IGDCC3: variants seen among roughly 807,000 people sequenced by gnomAD.
The protein encoded by IGDCC3 is immunoglobulin superfamily DCC subclass member 3, also known as putative neuronal cell adhesion molecule.
A neutral mutation model predicts 72.0 loss-of-function variants in IGDCC3; 47 were observed. The observed-to-expected ratio is 0.65, with a 90% CI of 0.52 to 0.83. IGDCC3 has a LOEUF of 0.83. Ranked by LOEUF, IGDCC3 falls within the 40% of genes least tolerant of loss-of-function variation. The probability of loss-of-function intolerance (pLI) is 0.00; values close to 1 mark genes in which losing one functional copy is unlikely to be tolerated. For synonymous variants in IGDCC3, 477 were observed against 472.8 expected (o/e 1.01, Z -0.11); for missense variants, 1,038 against 1,091.3 (o/e 0.95, Z 0.69).
At chr15:65,367,671 T>C (rs901175641) in intron 2 of IGDCC3, among the ~76,000 whole-genome samples, 1 of 151,850 alleles carries the variant, frequency 6.6e-6, no homozygotes, top group African/African-American at 2.4e-5. Context: ...CTTGCCCCAC[T>C]CCTCTCTCAC....
chr15:65,364,401 C>T (rs1334256757), intron 2 of IGDCC3, among the ~76,000 whole-genome samples: 3 of 151,198 alleles, frequency 2.0e-5, no homozygotes, highest in East Asian at 1.9e-4. Context: ...CCCCATATTA[C>T]TCTGACCACA....
At chr15:65,330,102 C>T (rs2090962940) in intron 11 of IGDCC3, among the ~76,000 whole-genome samples, 191 bp downstream of exon 11, 1 of 152,096 alleles carries the variant, frequency 6.6e-6, no homozygotes, top group Admixed American at 6.6e-5. Flanking sequence ...TACTATTATC[C>T]CTGTATTATA....
intron 9 of IGDCC3, 52 bp from the exon 10 acceptor site, chr15:65,330,793 T>TA: frequency 6.9e-7 from 1 of 1,441,092 alleles, no homozygotes; most frequent in South Asian, 1.3e-5. Flanking sequence ...AAGCTCTATC[T>TA]TTCTACCTTC....
Position 65,377,796 on chromosome 15 carries a change from T to G in IGDCC3, c.-8A>C. ...GGCGCGCTGCACAGCCATGGGGCTC[T>G]CGGTCAGCTCGGCTCGGCGACGCGC... On this transcript the variant is annotated 5_prime_UTR_variant, in exon 1 of 14. Transcript: ENST00000327987. This position sits in a 1 kb window ranked among gnomAD's most constrained non-coding sequence, Gnocchi z 4.9. 5.8e-6 allele frequency: 7 copies of G among 1,210,674 alleles called. No homozygotes were observed. Among genetic ancestry groups the G allele is most frequent in the Non-Finnish European group, 7.2e-6 (7 of 974,098 alleles). 75.0% of individuals were successfully genotyped at this position (1,210,674 alleles called of 1,614,324 possible).
At chr15:65,340,031 G>A (rs554300091) in intron 2 of IGDCC3, among the ~76,000 whole-genome samples, 1 of 152,290 alleles carries the variant, frequency 6.6e-6, no homozygotes, top group African/African-American at 2.4e-5. Context: ...TCCCAGCACC[G>A]CCCTGCCCCC....
intron 3 of IGDCC3, among the ~76,000 whole-genome samples, 155 bp downstream of exon 3, chr15:65,335,657 G>A (rs2091021998): frequency 6.6e-6 from 1 of 152,130 alleles, no homozygotes; most frequent in Non-Finnish European, 1.5e-5. Context: ...CAGTCATGTG[G>A]ATACCCAGTC....
At chr15:65,368,561 GC>G (rs575842362) in intron 2 of IGDCC3, among the ~76,000 whole-genome samples, 11 of 152,006 alleles carry the variant, frequency 7.2e-5, no homozygotes, top group Non-Finnish European at 1.6e-4. Flanking sequence ...GAGTAAGGGG[GC>G]CCTCCCCCTA....
At chr15:65,348,195 T>C (rs914360072) in intron 2 of IGDCC3, among the ~76,000 whole-genome samples, 4 of 152,188 alleles carry the variant, frequency 2.6e-5, no homozygotes, top group Non-Finnish European at 5.9e-5. Flanking sequence ...GAAATAACCA[T>C]AAAAATGAGC....
chr15:65,337,782 T>A (rs1194703514), intron 2 of IGDCC3, among the ~76,000 whole-genome samples: 2 of 152,008 alleles, frequency 1.3e-5, no homozygotes, highest in African/African-American at 4.8e-5. Flanking sequence ...GCTGTCTACA[T>A]CCCCCAGGCC....
rs757187982 is a variant in IGDCC3, at chr15:65,331,101, T to C, written c.1510A>G (p.Arg504Gly). The change falls in exon 9 of 14, where the codon AGG (arginine) becomes GGG (glycine). Residue 504 changes from arginine (R) to glycine (G), a missense_variant. By Grantham distance (125) the Arg-to-Gly change is moderately radical. Transcript: ENST00000327987. ...GGCACAGAGGCTGAGCTGGCCCCCCTTGGTGTGTAGGCCTTGATGTAGAAA... is the reference window on the plus strand; with the variant it reads ...GGCACAGAGGCTGAGCTGGCCCCCCCTGGTGTGTAGGCCTTGATGTAGAAA... The part of the protein sequence containing the change: ...YSFYIKAYTP[R>G]GASSASVPTL... The C allele has an allele frequency of 2.5e-6, 4 of 1,614,042 alleles. No individual in the cohort carries two copies. Among genetic ancestry groups the C allele is most frequent in the Non-Finnish European group, 3.4e-6 (4 of 1,180,010 alleles).
chr15:65,340,058 G>A (rs1449435906), intron 2 of IGDCC3, among the ~76,000 whole-genome samples: 1 of 152,220 alleles, frequency 6.6e-6, no homozygotes, highest in Non-Finnish European at 1.5e-5. Flanking sequence ...GGTGCGACCA[G>A]GCTGAGGGGA....
intron 2 of IGDCC3, among the ~76,000 whole-genome samples, chr15:65,348,082 G>A (rs1027030807): frequency 5.3e-5 from 8 of 152,078 alleles, no homozygotes; most frequent in South Asian, 2.1e-4. Context: ...TCCCATCAGC[G>A]CCATGACAGT....
intron 6 of IGDCC3, 75 bp from the exon 7 acceptor site, chr15:65,332,181 G>T: frequency 1.3e-6 from 2 of 1,500,194 alleles, no homozygotes; most frequent in East Asian, 2.3e-5. Context: ...GGGAACAGGG[G>T]ATGGGACTGG....
At chr15:65,341,424 T>G (rs893749717) in intron 2 of IGDCC3, among the ~76,000 whole-genome samples, 5 of 152,248 alleles carry the variant, frequency 3.3e-5, no homozygotes, top group Non-Finnish European at 2.9e-5. Context: ...AGATATTTGA[T>G]AATGTCTATA....
In IGDCC3 at chr15:65,329,968, A is replaced by C. The variant is rs987561010; in HGVS notation, c.1859-104T>G. ...CTTCCTTCAGCTGCTCCCACTCCCA[A>C]GTGGGAGTGGGAACATCCTTTGACT... On this transcript the variant is annotated intron_variant, in intron 11 of 13. Transcript: ENST00000327987. This position sits in a 1 kb window ranked among gnomAD's most constrained non-coding sequence, Gnocchi z 4.1. The C allele has an allele frequency of 1.3e-5, 16 of 1,205,460 alleles. No homozygotes were observed. Among genetic ancestry groups the C allele is most frequent in the African/African-American group, 7.6e-5 (5 of 66,204 alleles). 74.7% of individuals were successfully genotyped at this position (1,205,460 alleles called of 1,614,324 possible).
In IGDCC3 at chr15:65,334,761, T is replaced by G; in HGVS notation, c.790A>C (p.Asn264His). The G allele has an allele frequency of 6.3e-7, 1 of 1,599,454 alleles. No individual in the cohort carries two copies. The highest frequency in any genetic ancestry group is 8.5e-7 in the Non-Finnish European group (1 of 1,173,148). ...CTCCAGGACACAATGGGGCGCGGGT[T>G]GCCCGTGGCGACACACTCAAGCACC... is the stretch of plus-strand genomic sequence containing the variant. ...TAVLECVATG[N>H]PRPIVSWSRL... Residue 264 changes from asparagine to histidine, a missense_variant, in exon 5 of 14, where the codon AAC (asparagine) becomes CAC (histidine). Asn to His is a moderately conservative substitution (Grantham distance 68). Transcript: ENST00000327987.
chr15:65,343,628 G>C (rs1171414624), intron 2 of IGDCC3, among the ~76,000 whole-genome samples: 1 of 152,122 alleles, frequency 6.6e-6, no homozygotes, highest in Non-Finnish European at 1.5e-5. Flanking sequence ...GTGGCTCTCC[G>C]AGGTATAGTT....
At chr15:65,345,578 A>G (rs1052198748) in intron 2 of IGDCC3, among the ~76,000 whole-genome samples, 9 of 151,308 alleles carry the variant, frequency 5.9e-5, no homozygotes, top group African/African-American at 9.7e-5. Flanking sequence ...ACACACACAC[A>G]CGCACACACA....
chr15:65,329,207 C>T lies in IGDCC3; in HGVS notation c.2206-59G>A, dbSNP rs541848214. 1.9e-6 allele frequency: 3 copies of T among 1,554,078 alleles called. No homozygotes were observed. In the African/African-American group the frequency reaches 4.1e-5, roughly 21 times the overall value. On this transcript the variant is annotated intron_variant, in intron 13 of 13. Transcript: ENST00000327987. This position sits in a 1 kb window ranked among gnomAD's most constrained non-coding sequence, Gnocchi z 4.1. ...TGAGGGCCAGGGCGCCAGGCTCCAA[C>T]TCACCCCACTTGGGCCTTAGGGTCT... is the stretch of plus-strand genomic sequence containing the variant.
Sources: gnomAD v4.1 joint callset for allele counts (sites outside exome capture counted in the v4.1 genomes callset) on GRCh38, gnomAD v4.1.1 for gene constraint, Gnocchi (gnomAD v3.1) non-coding constraint, MANE v1.5 for transcripts, NCBI Gene and HGNC (gene_info 2026-07-23, HGNC 2026-07-21) for gene names.